GALNTL6: variants seen among roughly 807,000 people sequenced by gnomAD.
The protein encoded by GALNTL6 is polypeptide N-acetylgalactosaminyltransferase like 6, also known as polypeptide N-acetylgalactosaminyltransferase-like 6.
GALNTL6 carries 46 observed loss-of-function variants against 73.7 expected under a neutral mutation model. That is an observed-to-expected ratio of 0.62 (90% CI 0.49 to 0.80). The LOEUF (loss-of-function observed/expected upper bound fraction) is 0.80, where lower values mean the gene tolerates loss of function less well. Ranked by LOEUF, GALNTL6 falls within the 30% of genes least tolerant of loss-of-function variation. GALNTL6 has a pLI of 0.00. For synonymous variants in GALNTL6, 259 were observed against 263.7 expected, an observed-to-expected ratio of 0.98 and a Z score of 0.17; for missense variants, 604 against 755.0, an observed-to-expected ratio of 0.80 and a Z score of 2.34.
At position 172,263,227 on chromosome 4, in the gene GALNTL6, G is replaced by C. The variant is rs371887007; in HGVS notation, c.247+33463G>C. ...CTCAAATAAGTTTTACAAACTTTTA[G>C]ATTTCTCTTCTTCCTCAGAGCACCA... On this transcript the variant is annotated intron_variant, in intron 3 of 12. Coordinates refer to ENST00000506823, the MANE Select transcript of GALNTL6 (RefSeq NM_001034845.3). Among the ~76,000 whole-genome samples, 4 of 151,484 alleles carry C rather than the reference G, an allele frequency of 2.6e-5. No homozygotes were observed. In the East Asian group the frequency reaches 5.8e-4, roughly 22 times the overall value.
chr4:172,866,562 A>T (rs973445837), intron 7 of GALNTL6, among the ~76,000 whole-genome samples: 5 of 152,178 alleles, frequency 3.3e-5, no homozygotes, highest in African/African-American at 1.2e-4. Context: ...ATTGTTGGTT[A>T]TTGTTACATT....
At chr4:172,382,388 T>C (rs796737584) in intron 5 of GALNTL6, among the ~76,000 whole-genome samples, 57 of 152,300 alleles carry the variant, frequency 3.7e-4, no homozygotes, top group African/African-American at 1.3e-3. Context: ...TTTTATGTAC[T>C]TGTCAGTCTT....
chr4:172,740,486 C>T (rs191744603), intron 5 of GALNTL6, among the ~76,000 whole-genome samples: 1 of 152,226 alleles, frequency 6.6e-6, no homozygotes, highest in Admixed American at 6.5e-5. Flanking sequence ...ATTGGTAACC[C>T]CCAAATCAGT....
At chr4:172,373,972 G>A (rs1742927050) in intron 5 of GALNTL6, among the ~76,000 whole-genome samples, 1 of 152,178 alleles carries the variant, frequency 6.6e-6, no homozygotes, top group Non-Finnish European at 1.5e-5. Flanking sequence ...CAGTGAGGGT[G>A]ATGACATGAG....
intron 2 of GALNTL6, among the ~76,000 whole-genome samples, chr4:171,947,404 C>T (rs796733555): frequency 1.3e-5 from 2 of 152,146 alleles, no homozygotes; most frequent in East Asian, 3.9e-4. Flanking sequence ...TAACTTTTGC[C>T]TGCCTTACCA....
chr4:172,506,445 A>G lies in GALNTL6; in HGVS notation c.553+157756A>G, dbSNP rs1466900449. 7.3e-5 allele frequency among the ~76,000 whole-genome samples: 4 copies of G among 54,458 alleles called. 1 individual carries two copies. Among genetic ancestry groups the G allele is most frequent in the African/African-American group, 1.8e-4 (4 of 21,730 alleles). The allele number at this position is 54,458 out of a possible 152,430, so 35.7% of individuals were successfully genotyped here. A position where few individuals can be genotyped will look rare whatever the true frequency, so the allele number is the denominator to read the frequency against. On this transcript the variant is annotated intron_variant, in intron 5 of 12. Transcript: ENST00000506823. ...CGATCATTAAACTCTTTCTCTGCTG[A>G]AAACTCTGCTGTCTCAGTATATTGG...
intron 5 of GALNTL6, among the ~76,000 whole-genome samples, chr4:172,679,175 G>A (rs974836759): frequency 6.6e-6 from 1 of 152,216 alleles, no homozygotes; most frequent in Non-Finnish European, 1.5e-5. Flanking sequence ...AGTTCGGGAG[G>A]CCAAGGTGGG....
intron 2 of GALNTL6, among the ~76,000 whole-genome samples, chr4:172,084,782 T>A (rs1020574102): frequency 6.6e-6 from 1 of 152,172 alleles, no homozygotes; most frequent in East Asian, 1.9e-4. Context: ...TAATGAGTCA[T>A]ATACAGGTGA....
intron 2 of GALNTL6, among the ~76,000 whole-genome samples, chr4:172,202,043 T>C (rs17220845): frequency 0.022 from 3,422 of 152,310 alleles, 45 homozygotes; most frequent in Non-Finnish European, 0.032. Flanking sequence ...CACCTTAATT[T>C]AGTTCAAACC....
intron 10 of GALNTL6, among the ~76,000 whole-genome samples, chr4:172,955,997 C>A (rs1035513732): frequency 1.3e-5 from 2 of 152,068 alleles, no homozygotes; most frequent in African/African-American, 4.8e-5. Context: ...CAGGAACCAG[C>A]CATCTGGATG....
chr4:172,557,228 C>T (rs149928418), intron 5 of GALNTL6, among the ~76,000 whole-genome samples: 1,683 of 152,192 alleles, frequency 0.011, 19 homozygotes, highest in South Asian at 0.017. Context: ...TTAACCATCA[C>T]GTACCTCTGT....
intron 5 of GALNTL6, among the ~76,000 whole-genome samples, chr4:172,638,874 C>G (rs1287591870): frequency 6.6e-6 from 1 of 152,072 alleles, no homozygotes; most frequent in Non-Finnish European, 1.5e-5. Context: ...GAACTTAACA[C>G]TTTTGAAGAG....
chr4:172,975,526 C>T (rs751480138), intron 10 of GALNTL6, among the ~76,000 whole-genome samples: 13 of 152,260 alleles, frequency 8.5e-5, no homozygotes, highest in Middle Eastern at 3.4e-3. Context: ...CATTCTGGTC[C>T]GCTGAACTGA....
chr4:172,235,817 G>C (rs187942731), intron 3 of GALNTL6, among the ~76,000 whole-genome samples: 47 of 152,168 alleles, frequency 3.1e-4, no homozygotes, highest in Admixed American at 3.1e-3. Flanking sequence ...GTAGTCCCCA[G>C]TGTCTACTAT....
At chr4:172,059,224 C>T (rs1192593432) in intron 2 of GALNTL6, among the ~76,000 whole-genome samples, 1 of 152,128 alleles carries the variant, frequency 6.6e-6, no homozygotes, top group East Asian at 1.9e-4. Flanking sequence ...GCTGTTTATT[C>T]TGATTCAGAC....
intron 2 of GALNTL6, among the ~76,000 whole-genome samples, chr4:172,031,232 C>T (rs896134591): frequency 6.6e-6 from 1 of 151,936 alleles, no homozygotes; most frequent in Non-Finnish European, 1.5e-5. Flanking sequence ...GTTCCCTGTA[C>T]CTTATAATAT....
intron 4 of GALNTL6, among the ~76,000 whole-genome samples, chr4:172,344,017 A>C (rs1741658001): frequency 6.6e-6 from 1 of 152,148 alleles, no homozygotes; most frequent in Non-Finnish European, 1.5e-5. Flanking sequence ...TACAGCAATA[A>C]GAAATGCAGT....
chr4:172,480,049 G>T (rs1733386463), intron 5 of GALNTL6, among the ~76,000 whole-genome samples: 1 of 152,152 alleles, frequency 6.6e-6, no homozygotes, highest in Non-Finnish European at 1.5e-5. Flanking sequence ...GCCAGGCTGG[G>T]TACAGTGGCT....
intron 4 of GALNTL6, among the ~76,000 whole-genome samples, chr4:172,343,338 G>T (rs1741634799): frequency 6.6e-6 from 1 of 152,104 alleles, no homozygotes; most frequent in African/African-American, 2.4e-5. Flanking sequence ...TTAAGTGATG[G>T]TGAAGAATAC....
Sources: gnomAD v4.1 joint callset for allele counts (sites outside exome capture counted in the v4.1 genomes callset) on GRCh38, gnomAD v4.1.1 for gene constraint, MANE v1.5 for transcripts, NCBI Gene and HGNC (gene_info 2026-07-23, HGNC 2026-07-21) for gene names.